Variants in ENOX1 observed in about 807,000 individuals in gnomAD.
ENOX1 encodes ecto-NOX disulfide-thiol exchanger 1.
Under a neutral mutation model 82.5 loss-of-function variants are expected in ENOX1, and 42 were observed. The ratio of observed to expected loss-of-function variants is 0.51; its 90% confidence interval spans 0.40 to 0.66. ENOX1 has a LOEUF of 0.66. Ranked by LOEUF, ENOX1 falls within the 30% of genes least tolerant of loss-of-function variation. The pLI is 0.00. For synonymous variants in ENOX1, 271 were observed against 282.2 expected, an observed-to-expected ratio of 0.96 and a Z score of 0.40; for missense variants, 608 against 811.6, an observed-to-expected ratio of 0.75 and a Z score of 3.05.
chr13:43,486,572 A>G (rs762169287), intron 2 of ENOX1, among the ~76,000 whole-genome samples: 1 of 152,188 alleles, frequency 6.6e-6, no homozygotes, highest in Non-Finnish European at 1.5e-5. Flanking sequence ...CACTGCAATA[A>G]TCAAGATAGC....
At chr13:43,268,159 G>T (rs2044489040) in intron 13 of ENOX1, among the ~76,000 whole-genome samples, 1 of 152,090 alleles carries the variant, frequency 6.6e-6, no homozygotes, top group Admixed American at 6.5e-5. Flanking sequence ...TCTAGTCAAA[G>T]CTATCTAAAA....
In ENOX1 at chr13:43,412,867, C is replaced by G. The variant is rs7338624; in HGVS notation, c.48G>C (p.Glu16Asp). 14,048 of 1,614,020 alleles carry G rather than the reference C, an allele frequency of 8.7e-3. 1,090 individuals carry two copies. In the African/African-American group the frequency reaches 0.17, roughly 19 times the overall value. The change falls in exon 4 of 17, where the codon GAG (glutamate) becomes GAC (aspartate). Residue 16 changes from glutamate to aspartate, a missense_variant. Physicochemically the swap from Glu to Asp is conservative, Grantham distance 45. Coordinates refer to ENST00000690772, the MANE Select transcript of ENOX1 (RefSeq NM_001347969.2). ...TACCTGCAGCCATCATCTGAGGAAG[C>G]TCCTGGGGAAGCTGGGTGATGTTCT... ...GVENITQLPQ[E>D]LPQMMAAAAD...
intron 3 of ENOX1, among the ~76,000 whole-genome samples, chr13:43,423,475 A>G (rs1315037748): frequency 2.6e-5 from 4 of 152,240 alleles, no homozygotes. Context: ...AGGTTTGAAG[A>G]ATCAGGTAAA....
chr13:43,344,634 CGTGGCT>C lies in ENOX1; in HGVS notation c.934_939del (p.Ser312_His313del). 6.2e-7 allele frequency: 1 copy of C among 1,614,084 alleles called. No homozygotes were observed. The highest frequency in any genetic ancestry group is 1.1e-5 in the South Asian group (1 of 91,078). ...GCTTTTTCATTCATTAGCCGGCGGA[CGTGGCT>C]GTTGGCCGACTGCACCATGGAATAG... On this transcript the variant is annotated inframe_deletion, in exon 9 of 17. Transcript: ENST00000690772.
chr13:43,741,056 C>T (rs1378162653), intron 1 of ENOX1, among the ~76,000 whole-genome samples: 1 of 150,934 alleles, frequency 6.6e-6, no homozygotes, highest in Non-Finnish European at 1.5e-5. Context: ...TGAAAAAGTG[C>T]CAAACTGTTC....
At chr13:43,242,081 TGCC>T (rs1798075301) in intron 14 of ENOX1, among the ~76,000 whole-genome samples, 1 of 152,240 alleles carries the variant, frequency 6.6e-6, no homozygotes, top group Admixed American at 6.5e-5. Context: ...CTGTGTCTAC[TGCC>T]TCATCATCTG....
intron 1 of ENOX1, among the ~76,000 whole-genome samples, chr13:43,702,748 C>T (rs2086978714): frequency 6.6e-6 from 1 of 151,816 alleles, no homozygotes; most frequent in Admixed American, 6.6e-5. Flanking sequence ...GTCAGAAGTT[C>T]GAGGCCAGCC....
rs193269329 is a variant in ENOX1 at position 43,247,274 on chromosome 13, C to A, written c.1612-10536G>T. Among the ~76,000 whole-genome samples the A allele has an allele frequency of 2.7e-3, 405 of 152,314 alleles. 1 individual carries two copies. Among genetic ancestry groups the A allele is most frequent in the Admixed American group, 6.1e-3 (93 of 15,304 alleles). On this transcript the variant is annotated intron_variant, in intron 14 of 16. Coordinates refer to ENST00000690772, the MANE Select transcript of ENOX1 (RefSeq NM_001347969.2). ...GTTGCAGTGAGCCGAGATCACACCA[C>A]TGCACTCCAACCTGGGCAACAGAGT...
chr13:43,483,816 G>C (rs566493191), intron 3 of ENOX1, among the ~76,000 whole-genome samples, 193 bp downstream of exon 3: 16 of 152,104 alleles, frequency 1.1e-4, no homozygotes, highest in Non-Finnish European at 2.1e-4. Context: ...ACATTCCACA[G>C]GGTATACATA....
intron 5 of ENOX1, among the ~76,000 whole-genome samples, chr13:43,402,317 T>C (rs919523970): frequency 8.5e-5 from 13 of 152,208 alleles, no homozygotes; most frequent in African/African-American, 2.7e-4. Flanking sequence ...ATCTAACTGA[T>C]TGAAGACAGA....
At position 43,416,095 on chromosome 13, in the gene ENOX1, GATGGGCAGAGATGCTCC is replaced by G. The variant is rs1225238177; in HGVS notation, c.-74-3124_-74-3108del. On this transcript the variant is annotated intron_variant, in intron 3 of 16. Transcript: ENST00000690772. ...CGCTCCCCATCTCCCAGACGGGGCG[GATGGGCAGAGATGCTCC>G]CCACTTCCCAGACGGGGTGGCCAGG... Among the ~76,000 whole-genome samples, 758 of 142,570 alleles carry G rather than the reference GATGGGCAGAGATGCTCC, an allele frequency of 5.3e-3. 16 individuals carry two copies. The highest frequency in any genetic ancestry group is 7.0e-3 in the East Asian group (34 of 4,826). 93.5% of individuals were successfully genotyped at this position (142,570 alleles called of 152,430 possible).
At chr13:43,480,081 C>G (rs992392192) in intron 3 of ENOX1, among the ~76,000 whole-genome samples, 12 of 151,912 alleles carry the variant, frequency 7.9e-5, no homozygotes, top group African/African-American at 2.9e-4. Context: ...GGATTACAGG[C>G]ACCCACGACC....
intron 2 of ENOX1, among the ~76,000 whole-genome samples, chr13:43,569,124 C>A (rs2080056851): frequency 6.6e-6 from 1 of 152,196 alleles, no homozygotes. Flanking sequence ...ATGCAGCCAT[C>A]CGCTCACTTA....
intron 1 of ENOX1, among the ~76,000 whole-genome samples, chr13:43,768,627 CAT>C (rs923021914): frequency 6.6e-6 from 1 of 152,146 alleles, no homozygotes; most frequent in African/African-American, 2.4e-5. Flanking sequence ...TCTCTTAAAA[CAT>C]AAATAAATAT....
chr13:43,473,051 T>C (rs1049838653), intron 3 of ENOX1, among the ~76,000 whole-genome samples: 2 of 152,226 alleles, frequency 1.3e-5, no homozygotes, highest in African/African-American at 2.4e-5. Context: ...AAATAGGTTT[T>C]CATAAATTAT....
At chr13:43,521,559 C>A (rs958300695) in intron 2 of ENOX1, among the ~76,000 whole-genome samples, 2 of 152,118 alleles carry the variant, frequency 1.3e-5, no homozygotes, top group African/African-American at 4.8e-5. Context: ...TCCTTTGATG[C>A]CAAAGTAATT....
At position 43,412,862 on chromosome 13, in the gene ENOX1, G is replaced by A. The variant is rs2153599456; in HGVS notation, c.53C>T (p.Pro18Leu). The change falls in exon 4 of 17, where the codon CCT becomes CTT. Residue 18 changes from proline to leucine, a missense_variant. Physicochemically the swap from Pro to Leu is moderately conservative, Grantham distance 98 (BLOSUM62 -3). Transcript: ENST00000690772. ...ENITQLPQEL[P>L]QMMAAAADGL... Reference sequence around the variant, plus strand: ...GCATTTACCTGCAGCCATCATCTGAGGAAGCTCCTGGGGAAGCTGGGTGAT... The same window carrying A: ...GCATTTACCTGCAGCCATCATCTGAAGAAGCTCCTGGGGAAGCTGGGTGAT... 6.2e-7 allele frequency: 1 copy of A among 1,614,050 alleles called. No individual in the cohort carries two copies. The highest frequency in any genetic ancestry group is 1.1e-5 in the South Asian group (1 of 91,080).
At chr13:43,217,904 C>T (rs9533431) in intron 16 of ENOX1, among the ~76,000 whole-genome samples, 29,691 of 152,108 alleles carry the variant, frequency 0.2, 3,576 homozygotes, top group Non-Finnish European at 0.28. Flanking sequence ...AGGTCTTTTG[C>T]GCACCTTAAA....
At chr13:43,283,078 G>T (rs1243898101) in intron 12 of ENOX1, among the ~76,000 whole-genome samples, 1 of 135,918 alleles carries the variant, frequency 7.4e-6, no homozygotes, top group Non-Finnish European at 1.6e-5. Flanking sequence ...GCGAGACTCG[G>T]TCTCAAGAAA....
Sources: allele counts gnomAD v4.1 joint callset (sites outside exome capture counted in the v4.1 genomes callset), GRCh38; gene constraint gnomAD v4.1.1; transcripts MANE v1.5; gene names NCBI Gene and HGNC (gene_info 2026-07-23, HGNC 2026-07-21).